TAAR5: variants seen among roughly 807,000 people sequenced by gnomAD.
TAAR5 encodes trace amine associated receptor 5, also known as trace amine-associated receptor 5.
A neutral mutation model predicts 21.1 loss-of-function variants in TAAR5; 27 were observed. The ratio of observed to expected loss-of-function variants is 1.28; its 90% confidence interval spans 0.94 to 1.76. TAAR5 has a LOEUF of 1.76. Ranked by LOEUF, TAAR5 falls within the 40% of genes most tolerant of loss-of-function variation. TAAR5 has a pLI of 0.00. For synonymous variants in TAAR5, 203 were observed against 167.5 expected (o/e 1.21, Z -1.64); for missense variants, 495 against 405.6 (o/e 1.22, Z -1.89).
chr6:132,596,780 A>G, the TAAR5 span, among the ~76,000 whole-genome samples: 1 of 152,192 alleles, frequency 6.6e-6, no homozygotes, highest in African/African-American at 2.4e-5. Flanking sequence ...AGTGCAGACT[A>G]GCAATCAGAA....
chr6:132,611,532 A>G, the TAAR5 span, among the ~76,000 whole-genome samples: 4 of 152,238 alleles, frequency 2.6e-5, no homozygotes, highest in African/African-American at 9.6e-5. Flanking sequence ...GCCTGTATCA[A>G]AACATCACAT....
At chr6:132,592,861 C>A (rs769454137), upstream of TAAR5, among the ~76,000 whole-genome samples, 38 of 152,086 alleles carry the variant, frequency 2.5e-4, no homozygotes, top group Non-Finnish European at 5.0e-4. Context: ...ACTCTGCACC[C>A]GGCTCTTCTT....
upstream of TAAR5, among the ~76,000 whole-genome samples, chr6:132,592,272 G>A (rs1389932462): frequency 6.6e-6 from 1 of 152,090 alleles, no homozygotes; most frequent in Non-Finnish European, 1.5e-5. Context: ...TCAAATTACC[G>A]CCAACTTTAA....
the TAAR5 span, among the ~76,000 whole-genome samples, chr6:132,599,239 T>C: frequency 1.6e-3 from 238 of 152,246 alleles, no homozygotes; most frequent in Non-Finnish European, 2.6e-3. Context: ...GGAGTTTCCA[T>C]TGATAATTTT....
the TAAR5 span, among the ~76,000 whole-genome samples, chr6:132,612,041 G>A: frequency 2.0e-5 from 3 of 152,090 alleles, no homozygotes; most frequent in South Asian, 6.2e-4. Context: ...CTCCATTATA[G>A]GTAGTCCTCC....
At chr6:132,600,692 A>G in the TAAR5 span, among the ~76,000 whole-genome samples, 1 of 152,022 alleles carries the variant, frequency 6.6e-6, no homozygotes, top group African/African-American at 2.4e-5. Flanking sequence ...TCATCCCCAA[A>G]GAAGAAAAAA....
At chr6:132,608,155 G>A in the TAAR5 span, 18 of 362,926 alleles carry the variant, frequency 5.0e-5, no homozygotes, top group Non-Finnish European at 9.7e-5. Context: ...TATCATGTTT[G>A]CAGTGATCTG....
chr6:132,601,050 A>G, the TAAR5 span, among the ~76,000 whole-genome samples: 315 of 130,654 alleles, frequency 2.4e-3, no homozygotes, highest in Non-Finnish European at 3.3e-3. Flanking sequence ...AGAAGGAAGG[A>G]GGGAAGGAGG....
the TAAR5 span, among the ~76,000 whole-genome samples, chr6:132,614,387 C>A: frequency 6.6e-6 from 1 of 152,168 alleles, no homozygotes; most frequent in South Asian, 2.1e-4. Context: ...AAATTTAAGA[C>A]CTTTTACCAG....
upstream of TAAR5, among the ~76,000 whole-genome samples, chr6:132,592,538 C>G (rs1356468422): frequency 6.6e-6 from 1 of 152,138 alleles, no homozygotes; most frequent in Non-Finnish European, 1.5e-5. Flanking sequence ...AAATTGTAAT[C>G]CTCAGTGTTG....
At chr6:132,610,402 A>G in the TAAR5 span, among the ~76,000 whole-genome samples, 1 of 152,130 alleles carries the variant, frequency 6.6e-6, no homozygotes, top group Non-Finnish European at 1.5e-5. Context: ...ACTCAACTGC[A>G]GGGTACATTT....
upstream of TAAR5, among the ~76,000 whole-genome samples, chr6:132,590,075 G>T (rs200809207): frequency 2.0e-4 from 31 of 152,144 alleles, no homozygotes; most frequent in Non-Finnish European, 4.3e-4. Context: ...TGTCTCTTAC[G>T]TTTTGATAAG....
chr6:132,602,838 G>T, the TAAR5 span, among the ~76,000 whole-genome samples: 2 of 138,232 alleles, frequency 1.4e-5, no homozygotes, highest in African/African-American at 2.8e-5. Flanking sequence ...AAGGATTAGG[G>T]CTATGGATTA....
At chr6:132,601,087 A>AAGGAG in the TAAR5 span, among the ~76,000 whole-genome samples, 3 of 49,802 alleles carry the variant, frequency 6.0e-5, no homozygotes, top group African/African-American at 6.5e-5. Flanking sequence ...GAGGGAAGGA[A>AAGGAG]GGAGGGAGGG....
At chr6:132,604,263 C>A in the TAAR5 span, among the ~76,000 whole-genome samples, 2 of 151,392 alleles carry the variant, frequency 1.3e-5, no homozygotes, top group Non-Finnish European at 2.9e-5. Context: ...CCTGCCTCAG[C>A]CTCCTGCGTA....
At chr6:132,606,492 G>A in the TAAR5 span, among the ~76,000 whole-genome samples, 2 of 152,280 alleles carry the variant, frequency 1.3e-5, no homozygotes, top group East Asian at 1.9e-4. Context: ...ACACTTGGCA[G>A]TTCTTCTCAC....
chr6:132,591,491 A>C (rs555689006), upstream of TAAR5, among the ~76,000 whole-genome samples: 1 of 152,330 alleles, frequency 6.6e-6, no homozygotes, highest in African/African-American at 2.4e-5. Context: ...AAAGCTCCCT[A>C]TAGCCTGGCT....
Position 132,589,287 on chromosome 6 carries a change from A to T in TAAR5, c.400T>A (p.Cys134Ser), listed in dbSNP as rs1446829417. The T allele has an allele frequency of 1.9e-6, 3 of 1,612,330 alleles. No homozygotes were observed. The highest frequency in any genetic ancestry group is 2.7e-5 in the African/African-American group (2 of 74,908). ...HLCFISIDRH[C>S]AICDPLLYPS... ...TAGAGCAGGGGGTCACAGATGGCAC[A>T]GTGGCGGTCAATGGAAATGAAACAG... The change falls in exon 1 of 1, where the codon TGT (cysteine) becomes AGT (serine). Residue 134 changes from cysteine (C) to serine (S), a missense_variant. Physicochemically the swap from Cys to Ser is moderately radical, Grantham distance 112. Coordinates refer to ENST00000258034, the MANE Select transcript of TAAR5 (RefSeq NM_003967.3).
chr6:132,595,404 T>C, the TAAR5 span: 1 of 152,190 alleles, frequency 6.6e-6, no homozygotes, highest in Non-Finnish European at 1.5e-5. Flanking sequence ...AAAATTGTAC[T>C]GTTGGGGGGT....
Sources: allele counts gnomAD v4.1 joint callset (sites outside exome capture counted in the v4.1 genomes callset), GRCh38; gene constraint gnomAD v4.1.1; transcripts MANE v1.5; gene names NCBI Gene and HGNC (gene_info 2026-07-23, HGNC 2026-07-21).